Variants in SLC7A7 observed in about 807,000 individuals in gnomAD.
SLC7A7 encodes the protein Y+L amino acid transporter 1.
Under a neutral mutation model 47.9 loss-of-function variants are expected in SLC7A7, and 39 were observed. The ratio of observed to expected loss-of-function variants is 0.81; its 90% CI spans 0.63 to 1.06. The LOEUF (loss-of-function observed/expected upper bound fraction) is 1.06, where lower values mean the gene tolerates loss of function less well. Ranked by LOEUF, SLC7A7 falls within the 50% of genes least tolerant of loss-of-function variation. SLC7A7 has a pLI of 0.00. For synonymous variants in SLC7A7, 234 were observed against 242.8 expected (o/e 0.96, Z 0.34); for missense variants, 588 against 632.0 (o/e 0.93, Z 0.75).
At position 22,774,200 on chromosome 14, in the gene SLC7A7, G is replaced by A. The variant is rs562478345; in HGVS notation, c.1246-84C>T. On this transcript the variant is annotated intron_variant, in intron 8 of 9. Coordinates refer to ENST00000674313, the MANE Select transcript of SLC7A7 (RefSeq NM_003982.4). ...AACCCCACCTCCCATAAGGATTAGC[G>A]CACTGAGCCTTCTTTCCATACCTTT... The A allele has an allele frequency of 2.2e-4, 349 of 1,580,942 alleles. 5 individuals carry two copies. The South Asian group carries it at 2.9e-3, about 13-fold the overall frequency.
chr14:22,800,964 G>C (rs949947230), intron 2 of SLC7A7, among the ~76,000 whole-genome samples: 4 of 151,928 alleles, frequency 2.6e-5, no homozygotes, highest in Non-Finnish European at 5.9e-5. Flanking sequence ...AAGAAGCCCA[G>C]ATTGTCTGCA....
At position 22,779,938 on chromosome 14, in the gene SLC7A7, T is replaced by C; in HGVS notation, c.613A>G (p.Arg205Gly). The change falls in exon 3 of 10, where the codon AGA becomes GGA. Residue 205 changes from arginine to glycine, a missense_variant. Arg to Gly is a moderately radical substitution (Grantham distance 125). Coordinates refer to ENST00000674313, the MANE Select transcript of SLC7A7 (RefSeq NM_003982.4). ...LIAVIVAGIV[R>G]LGQGASTHFE... ...TATTATTTCTTACCCTGGCCAAGTC[T>C]AACAATGCCTGCAACGATGACCGCG... 1 of 1,614,188 alleles carries C rather than the reference T, an allele frequency of 6.2e-7. No individual in the cohort carries two copies. The highest frequency in any genetic ancestry group is 8.5e-7 in the Non-Finnish European group (1 of 1,180,034).
intron 4 of SLC7A7, among the ~76,000 whole-genome samples, chr14:22,778,119 T>G (rs2038650433): frequency 6.6e-6 from 1 of 152,138 alleles, no homozygotes; most frequent in Admixed American, 6.6e-5. Context: ...CTGGCAAATC[T>G]TAGTTCCCAG....
At chr14:22,818,119 AGAAAG>A (rs1032649867), upstream of SLC7A7, among the ~76,000 whole-genome samples, 1 of 152,148 alleles carries the variant, frequency 6.6e-6, no homozygotes, top group African/African-American at 2.4e-5. Flanking sequence ...ATGACGTAAA[AGAAAG>A]GAAGGAAGGA....
At chr14:22,794,945 TCTC>T (rs997104001) in intron 2 of SLC7A7, among the ~76,000 whole-genome samples, 52 of 152,144 alleles carry the variant, frequency 3.4e-4, no homozygotes, top group African/African-American at 1.1e-3. Flanking sequence ...CCTCATCAAT[TCTC>T]CTCAAAAGCA....
At chr14:22,818,228 T>C (rs976812457), upstream of SLC7A7, among the ~76,000 whole-genome samples, 1 of 149,650 alleles carries the variant, frequency 6.7e-6, no homozygotes. Flanking sequence ...TGAAGTCCTA[T>C]CCGTGGAATT....
chr14:22,796,821 C>G (rs947605204), intron 2 of SLC7A7, among the ~76,000 whole-genome samples: 6 of 152,186 alleles, frequency 3.9e-5, no homozygotes, highest in Non-Finnish European at 7.4e-5. Flanking sequence ...TATCCTCTTG[C>G]TGAGAGGAAA....
chr14:22,798,754 C>G (rs899557812), intron 2 of SLC7A7, among the ~76,000 whole-genome samples: 4 of 152,132 alleles, frequency 2.6e-5, no homozygotes, highest in Non-Finnish European at 5.9e-5. Flanking sequence ...CCTCTTTCAC[C>G]CTGCAAAAGT....
At chr14:22,784,028 T>G (rs2038767994) in intron 2 of SLC7A7, among the ~76,000 whole-genome samples, 1 of 152,224 alleles carries the variant, frequency 6.6e-6, no homozygotes, top group African/African-American at 2.4e-5. Flanking sequence ...CCTCAGCGGA[T>G]ACAGCTGACC....
intron 2 of SLC7A7, among the ~76,000 whole-genome samples, chr14:22,798,216 G>A (rs925158343): frequency 6.6e-6 from 1 of 152,128 alleles, no homozygotes; most frequent in Non-Finnish European, 1.5e-5. Context: ...AGAATCGCTT[G>A]AACCCAGGAG....
chr14:22,788,387 C>A (rs975706949), intron 2 of SLC7A7, among the ~76,000 whole-genome samples: 1 of 151,938 alleles, frequency 6.6e-6, no homozygotes, highest in Admixed American at 6.6e-5. Flanking sequence ...TAGAAACAAC[C>A]CAAATGCCCA....
intron 2 of SLC7A7, among the ~76,000 whole-genome samples, chr14:22,801,794 A>AACAAG (rs1367847229): frequency 6.6e-6 from 1 of 151,972 alleles, no homozygotes; most frequent in Non-Finnish European, 1.5e-5. Context: ...AACAAAACAA[A>AACAAG]AATCCCTGTA....
chr14:22,775,310 T>C (rs2139386586), intron 7 of SLC7A7, 134 bp downstream of exon 7: 1 of 814,602 alleles, frequency 1.2e-6, no homozygotes, highest in South Asian at 1.4e-5. Flanking sequence ...TTGCCCGTGG[T>C]GAACATTCTG....
In SLC7A7 at chr14:22,773,371, A is replaced by G. The variant is rs571315064; in HGVS notation, c.*239T>C. ...AGGTGCTTCTAAAACAACCAAGCCCAAACCTGACATGCTCCTCCCCACAGT... is the reference window on the plus strand; with the variant it reads ...AGGTGCTTCTAAAACAACCAAGCCCGAACCTGACATGCTCCTCCCCACAGT... On this transcript the variant is annotated 3_prime_UTR_variant, in exon 10 of 10. Transcript: ENST00000674313. 2.4e-5 allele frequency: 15 copies of G among 612,668 alleles called. No individual in the cohort carries two copies. The highest frequency in any genetic ancestry group is 2.3e-4 in the African/African-American group (13 of 55,442). 38.0% of individuals were successfully genotyped at this position (612,668 alleles called of 1,614,324 possible).
chr14:22,803,331 T>C (rs2039147453), intron 2 of SLC7A7, among the ~76,000 whole-genome samples: 2 of 152,000 alleles, frequency 1.3e-5, no homozygotes, highest in Admixed American at 1.3e-4. Context: ...GGAAGGAGAA[T>C]CGCTTGAACC....
chr14:22,786,675 T>C (rs2038823181), intron 2 of SLC7A7, among the ~76,000 whole-genome samples: 2 of 152,208 alleles, frequency 1.3e-5, no homozygotes, highest in South Asian at 4.1e-4. Context: ...GGCTCATGCC[T>C]ATAATCCCAG....
intron 2 of SLC7A7, among the ~76,000 whole-genome samples, chr14:22,801,822 AC>A (rs2039119240): frequency 6.6e-6 from 1 of 152,104 alleles, no homozygotes; most frequent in East Asian, 1.9e-4. Context: ...GCCCATCCTG[AC>A]CCCGGCATGC....
chr14:22,775,626 C>T, intron 6 of SLC7A7, 86 bp from the exon 7 acceptor site: 1 of 1,129,624 alleles, frequency 8.9e-7, no homozygotes, highest in Non-Finnish European at 1.3e-6. Context: ...TCCCTCTCTG[C>T]CATCCCTTCC....
intron 2 of SLC7A7, among the ~76,000 whole-genome samples, chr14:22,806,975 G>A (rs181362047): frequency 2.1e-5 from 3 of 143,596 alleles, no homozygotes; most frequent in Non-Finnish European, 4.5e-5. Flanking sequence ...TGGGCTCACT[G>A]CAAGCTCCGC....
Sources: allele counts gnomAD v4.1 joint callset (sites outside exome capture counted in the v4.1 genomes callset), GRCh38; gene constraint gnomAD v4.1.1; transcripts MANE v1.5; gene names NCBI Gene and HGNC (gene_info 2026-07-23, HGNC 2026-07-21).